The following IDH3A variants were observed in gnomAD, a reference collection of about 807,000 sequenced individuals.
The protein encoded by IDH3A is isocitrate dehydrogenase [NAD] subunit alpha, mitochondrial.
IDH3A carries 23 observed loss-of-function variants against 43.3 expected under a neutral mutation model. That is an observed-to-expected ratio of 0.53 (90% confidence interval 0.38 to 0.75). The LOEUF is 0.75. Among genes scored for constraint, IDH3A ranks in the 30% least tolerant of loss-of-function variants. The pLI, the probability that IDH3A is intolerant of heterozygous loss-of-function variation, is 0.00. For synonymous variants in IDH3A, 154 were observed against 163.5 expected (o/e 0.94, Z 0.44); for missense variants, 329 against 474.4 (o/e 0.69, Z 2.85).
chr15:78,151,489 T>G (rs2141937455), intron 1 of IDH3A: 1 of 151,190 alleles, frequency 6.6e-6, no homozygotes, highest in African/African-American at 2.4e-5. Context: ...GGCAGGAGAG[T>G]CACTTGAACC....
At position 78,166,252 on chromosome 15, in the gene IDH3A, C is replaced by T. The variant is rs757471996; in HGVS notation, c.967C>T (p.His323Tyr). ...GCTGCGCCACATGGGACTTTTTGAC[C>T]ATGCTGCAAGAATTGAGGCTGCGTG... ...MMLRHMGLFD[H>Y]AARIEAACFA... is the part of the protein sequence containing the mutation. The change falls in exon 10 of 11, where the codon CAT becomes TAT. Residue 323 changes from histidine to tyrosine, a missense_variant. Around this residue, in one of 3 missense-constraint regions of IDH3A, gnomAD observed 91 missense variants for 111.6 expected, o/e 0.82. Transcript: ENST00000299518. The T allele has an allele frequency of 1.2e-6, 2 of 1,614,150 alleles. No homozygotes were observed. Among genetic ancestry groups the T allele is most frequent in the Non-Finnish European group, 8.5e-7 (1 of 1,180,006 alleles).
At position 78,171,378 on chromosome 15, in the gene IDH3A, G is replaced by A; in HGVS notation, c.*2373G>A. The A allele has an allele frequency of 2.9e-6, 4 of 1,382,148 alleles. No individual in the cohort carries two copies. Among genetic ancestry groups the A allele is most frequent in the Non-Finnish European group, 4.1e-6 (4 of 978,394 alleles). The allele number at this position is 1,382,148 out of a possible 1,614,324, so 85.6% of individuals were successfully genotyped here. A position where few individuals can be genotyped will look rare whatever the true frequency, so the allele number is the denominator to read the frequency against. ...GCCTGTGCCCAGACTGAAGAGACCT[G>A]GGGCTCAGGAAGAGGCTCGGAACGC... On this transcript the variant is annotated 3_prime_UTR_variant, in exon 11 of 11. Transcript: ENST00000299518.
At chr15:78,153,529 C>T (rs545516085) in intron 1 of IDH3A, among the ~76,000 whole-genome samples, 23 of 152,206 alleles carry the variant, frequency 1.5e-4, no homozygotes, top group East Asian at 1.2e-3. Flanking sequence ...TTGGCCCAGT[C>T]TTATTTTCAA....
chr15:78,159,327 C>T (rs1282327272), intron 3 of IDH3A, among the ~76,000 whole-genome samples: 2 of 151,922 alleles, frequency 1.3e-5, no homozygotes, highest in East Asian at 1.9e-4. Context: ...CCACCCTAGG[C>T]AGCCAACCAC....
chr15:78,171,772 C>G lies in IDH3A; in HGVS notation c.*2767C>G. ...TATAGATGAAGGGTTGGTATGTCAC[C>G]TCTGAGAATAGGTTATAAAAGATCA... is the stretch of plus-strand genomic sequence containing the variant. On this transcript the variant is annotated 3_prime_UTR_variant, in exon 11 of 11. Coordinates refer to ENST00000299518, the MANE Select transcript of IDH3A (RefSeq NM_005530.3). 2 of 388,752 alleles carry G rather than the reference C, an allele frequency of 5.1e-6. No individual in the cohort carries two copies. The highest frequency in any genetic ancestry group is 4.3e-5 in the South Asian group (1 of 23,266). The allele number at this position is 388,752 out of a possible 1,614,324, so 24.1% of individuals were successfully genotyped here.
At chr15:78,159,169 G>A (rs1285612911) in intron 3 of IDH3A, among the ~76,000 whole-genome samples, 1 of 152,036 alleles carries the variant, frequency 6.6e-6, no homozygotes, top group African/African-American at 2.4e-5. Flanking sequence ...TCAATCCAGT[G>A]GTTTTTAGTA....
intron 1 of IDH3A, 148 bp downstream of exon 1, chr15:78,149,578 C>G: frequency 1.6e-6 from 1 of 622,430 alleles, no homozygotes; most frequent in Non-Finnish European, 2.5e-6. Flanking sequence ...CGGTCCTGGT[C>G]GCCCGTGCCC....
At chr15:78,167,106 A>ATG (rs2074752692) in intron 10 of IDH3A, among the ~76,000 whole-genome samples, 1 of 152,244 alleles carries the variant, frequency 6.6e-6, no homozygotes, top group African/African-American at 2.4e-5. Context: ...ATAGTCTTAT[A>ATG]TGTTACACTG....
In IDH3A at chr15:78,171,376, C is replaced by T; in HGVS notation, c.*2371C>T. 1 of 1,373,510 alleles carries T rather than the reference C, an allele frequency of 7.3e-7. No individual in the cohort carries two copies. The highest frequency in any genetic ancestry group is 1.0e-6 in the Non-Finnish European group (1 of 971,376). The allele number at this position is 1,373,510 out of a possible 1,614,324, so 85.1% of individuals were successfully genotyped here. A position where few individuals can be genotyped will look rare whatever the true frequency, so the allele number is the denominator to read the frequency against. On this transcript the variant is annotated 3_prime_UTR_variant, in exon 11 of 11. Coordinates refer to ENST00000299518, the MANE Select transcript of IDH3A (RefSeq NM_005530.3). ...ATGCCTGTGCCCAGACTGAAGAGAC[C>T]TGGGGCTCAGGAAGAGGCTCGGAAC... is the stretch of plus-strand genomic sequence containing the variant.
intron 1 of IDH3A, chr15:78,154,938 C>T (rs12050483): frequency 0.036 from 10,494 of 291,332 alleles, 367 homozygotes; most frequent in African/African-American, 0.11. Context: ...TAGTTTTATT[C>T]TACCTTCAAC....
intron 3 of IDH3A, among the ~76,000 whole-genome samples, chr15:78,158,201 G>A (rs1318217647): frequency 1.3e-5 from 2 of 151,862 alleles, no homozygotes; most frequent in African/African-American, 4.8e-5. Flanking sequence ...AATTTCTGAT[G>A]TGTTATCAAG....
intron 8 of IDH3A, among the ~76,000 whole-genome samples, chr15:78,164,551 C>A (rs1451952877): frequency 6.6e-6 from 1 of 152,084 alleles, no homozygotes; most frequent in African/African-American, 2.4e-5. Flanking sequence ...GGGGTTTCGC[C>A]ATGTTGGCCA....
intron 9 of IDH3A, 143 bp from the exon 10 acceptor site, chr15:78,166,007 T>G: frequency 2.7e-6 from 2 of 750,882 alleles, no homozygotes; most frequent in Non-Finnish European, 4.4e-6. Context: ...ATTTCTTCAG[T>G]CCATATCAGA....
intron 10 of IDH3A, 126 bp downstream of exon 10, chr15:78,166,428 G>T (rs2074743453): frequency 2.1e-6 from 2 of 930,674 alleles, no homozygotes; most frequent in Admixed American, 3.6e-5. Context: ...GTTGAACAAG[G>T]ATTCTTAACG....
At position 78,158,448 on chromosome 15, in the gene IDH3A, C is replaced by CACATATATATAT. The variant is rs763962799; in HGVS notation, c.174+818_174+819insCATATATATATA. Among the ~76,000 whole-genome samples the CACATATATATAT allele has an allele frequency of 1.8e-3, 51 of 28,236 alleles. 6 individuals are homozygous for CACATATATATAT. The highest frequency in any genetic ancestry group is 7.8e-3 in the African/African-American group (50 of 6,408). The allele number at this position is 28,236 out of a possible 152,430, so 18.5% of individuals were successfully genotyped here. A position where few individuals can be genotyped will look rare whatever the true frequency, so the allele number is the denominator to read the frequency against. ...TCATAGGTTATGCAATACATACATA[C>CACATATATATAT]ATATATATATATATATTTTTTTTTT... On this transcript the variant is annotated intron_variant, in intron 3 of 10. Transcript: ENST00000299518.
chr15:78,171,666 T>C lies in IDH3A; in HGVS notation c.*2661T>C, dbSNP rs2074824546. On this transcript the variant is annotated 3_prime_UTR_variant, in exon 11 of 11. Transcript: ENST00000299518. Reference sequence around the variant, plus strand: ...TAATCAGGACCGTCAGTAGCCAGCCTCCAAGACAGTGATCGCTCCTGGTAT... The same window carrying C: ...TAATCAGGACCGTCAGTAGCCAGCCCCCAAGACAGTGATCGCTCCTGGTAT... The C allele has an allele frequency of 7.5e-6, 5 of 664,162 alleles. No individual in the cohort carries two copies. The highest frequency in any genetic ancestry group is 1.8e-5 in the African/African-American group (1 of 55,528). The allele number at this position is 664,162 out of a possible 1,614,324, so 41.1% of individuals were successfully genotyped here.
chr15:78,164,234 T>C (rs1221105639), intron 8 of IDH3A, among the ~76,000 whole-genome samples: 2 of 152,058 alleles, frequency 1.3e-5, no homozygotes, highest in African/African-American at 2.4e-5. Context: ...ATTTACTTTA[T>C]TACTCCTTCC....
chr15:78,166,522 A>T, intron 10 of IDH3A: 1 of 557,580 alleles, frequency 1.8e-6, no homozygotes, highest in Non-Finnish European at 3.2e-6. Context: ...AAAAAAAGTT[A>T]AGCAGCACTG....
chr15:78,163,654 GTGTC>G, intron 7 of IDH3A, 45 bp downstream of exon 7: 3 of 1,544,264 alleles, frequency 1.9e-6, no homozygotes, highest in Non-Finnish European at 2.7e-6. Flanking sequence ...ATGGTGAATG[GTGTC>G]TGTGTGTTGT....
Sources: allele counts gnomAD v4.1 joint callset (sites outside exome capture counted in the v4.1 genomes callset), GRCh38; gene constraint gnomAD v4.1.1; regional missense constraint gnomAD v4.1.1; transcripts MANE v1.5; gene names NCBI Gene and HGNC (gene_info 2026-07-23, HGNC 2026-07-21).